The following STAC3 variants were observed in gnomAD, a reference collection of about 807,000 sequenced individuals.
STAC3 encodes the protein SH3 and cysteine rich domain 3.
A neutral mutation model predicts 48.5 loss-of-function variants in STAC3; 30 were observed. That is an observed-to-expected ratio of 0.62 (90% CI 0.46 to 0.84). The LOEUF is 0.84. Among genes scored for constraint, STAC3 ranks in the 40% least tolerant of loss-of-function variants. The probability of loss-of-function intolerance (pLI) is 0.00; values close to 1 mark genes in which losing one functional copy is unlikely to be tolerated. For missense variants in STAC3, 419 were observed against 462.6 expected, an observed-to-expected ratio of 0.91 and a Z score of 0.86; for synonymous variants, 144 against 158.6, an observed-to-expected ratio of 0.91 and a Z score of 0.69.
At chr12:57,244,475 G>A in intron 9 of STAC3, 62 bp downstream of exon 9, 1 of 1,612,530 alleles carries the variant, frequency 6.2e-7, no homozygotes, top group Non-Finnish European at 8.5e-7. Context: ...CTTTCCCTTG[G>A]GGGAACCCAG....
intron 6 of STAC3, among the ~76,000 whole-genome samples, chr12:57,246,526 C>T (rs1372789160): frequency 6.6e-6 from 1 of 151,948 alleles, no homozygotes; most frequent in African/African-American, 2.4e-5. Flanking sequence ...CAAGCGAGCA[C>T]CACCACACCC....
chr12:57,247,428 A>ATTTTT (rs367784960), intron 5 of STAC3, among the ~76,000 whole-genome samples: 18 of 58,534 alleles, frequency 3.1e-4, no homozygotes, highest in African/African-American at 9.0e-4. Flanking sequence ...TATTATTATT[A>ATTTTT]TTTTTTTTTT....
rs745337263 is a variant in STAC3 at position 57,243,716 on chromosome 12, C to T, written c.*96G>A. 4 of 1,177,332 alleles carry T rather than the reference C, an allele frequency of 3.4e-6. No individual in the cohort carries two copies. Among genetic ancestry groups the T allele is most frequent in the Non-Finnish European group, 5.0e-6 (4 of 803,038 alleles). 72.9% of individuals were successfully genotyped at this position (1,177,332 alleles called of 1,614,324 possible). A position where few individuals can be genotyped will look rare whatever the true frequency, so the allele number is the denominator to read the frequency against. On this transcript the variant is annotated 3_prime_UTR_variant, in exon 12 of 12. Coordinates refer to ENST00000332782, the MANE Select transcript of STAC3 (RefSeq NM_145064.3). ...AGGCGGGCCTTCCTACCCCTCCTCT[C>T]CCAGCAGTCCCGTTGCTTTCGCCCC...
chr12:57,247,422 A>ATT (rs1380789337), intron 5 of STAC3, among the ~76,000 whole-genome samples: 51 of 68,380 alleles, frequency 7.5e-4, no homozygotes, highest in African/African-American at 1.7e-3. Flanking sequence ...TATTATTATT[A>ATT]TTATTATTTT....
Position 57,248,199 on chromosome 12 carries a change from C to G in STAC3, c.433-1G>C, listed in dbSNP as rs111801909. 6.2e-7 allele frequency: 1 copy of G among 1,613,506 alleles called. No homozygotes were observed. The highest frequency in any genetic ancestry group is 8.5e-7 in the Non-Finnish European group (1 of 1,179,490). ...TATAGGCCCGATGGAAACCAGGTGG[C>G]TGTAGGATGGGATGAGAGGAAGCAT... On this transcript the variant is annotated splice_acceptor_variant, in intron 4 of 11. Coordinates refer to ENST00000332782, the MANE Select transcript of STAC3 (RefSeq NM_145064.3). LOFTEE classifies it high-confidence loss of function.
chr12:57,246,103 C>G (rs1390553591), intron 6 of STAC3, among the ~76,000 whole-genome samples: 1 of 104,010 alleles, frequency 9.6e-6, no homozygotes, highest in Non-Finnish European at 1.8e-5. Context: ...GAGCGAAACT[C>G]TATCTCAAAA....
intron 1 of STAC3, among the ~76,000 whole-genome samples, chr12:57,250,314 C>T (rs1471279450): frequency 7.2e-6 from 1 of 139,820 alleles, no homozygotes; most frequent in Non-Finnish European, 1.5e-5. Flanking sequence ...CGCTTGAACC[C>T]GGGAGGCGGA....
rs1316350510 is a variant in STAC3, at chr12:57,248,757, G to A, written c.381C>T (p.Ile127=). The A allele has an allele frequency of 2.5e-6, 4 of 1,614,124 alleles. No individual in the cohort carries two copies. The highest frequency in any genetic ancestry group is 3.4e-6 in the Non-Finnish European group (4 of 1,179,986). ...GLRCKNCKTN[I]HEHCQSYVEM... ...CCACATAGGACTGACAGTGTTCATGGATGTTGGTTTTGCAGTTCTTACAGC... is the reference window on the plus strand; with the variant it reads ...CCACATAGGACTGACAGTGTTCATGAATGTTGGTTTTGCAGTTCTTACAGC... The change falls in exon 4 of 12, where the codon ATC becomes ATT. Residue 127 remains isoleucine (I), a synonymous_variant. Coordinates refer to ENST00000332782, the MANE Select transcript of STAC3 (RefSeq NM_145064.3).
chr12:57,250,833 C>T (rs563414987), intron 1 of STAC3, among the ~76,000 whole-genome samples, 160 bp downstream of exon 1: 3 of 149,744 alleles, frequency 2.0e-5, no homozygotes, highest in Admixed American at 6.7e-5. Context: ...CCCCACCCCC[C>T]GCTTCAATCC....
intron 7 of STAC3, 59 bp downstream of exon 7, chr12:57,245,086 G>C (rs2037702524): frequency 6.2e-7 from 1 of 1,607,748 alleles, no homozygotes; most frequent in South Asian, 1.1e-5. Context: ...TCCACCCTCT[G>C]TTCCACAGCT....
intron 5 of STAC3, among the ~76,000 whole-genome samples, chr12:57,247,688 G>C (rs1207854817): frequency 6.6e-6 from 1 of 152,092 alleles, no homozygotes; most frequent in East Asian, 1.9e-4. Flanking sequence ...CTCCCAAAGT[G>C]CTGGGATTAC....
chr12:57,248,754 A>T lies in STAC3; in HGVS notation c.384T>A (p.His128Gln). 1 of 1,614,088 alleles carries T rather than the reference A, an allele frequency of 6.2e-7. No homozygotes were observed. The highest frequency in any genetic ancestry group is 8.5e-7 in the Non-Finnish European group (1 of 1,179,964). ...LRCKNCKTNI[H>Q]EHCQSYVEMQ... ...TTTCCACATAGGACTGACAGTGTTC[A>T]TGGATGTTGGTTTTGCAGTTCTTAC... Residue 128 changes from histidine (H) to glutamine (Q), a missense_variant, in exon 4 of 12, where the codon CAT (histidine) becomes CAA (glutamine). Physicochemically the swap from His to Gln is conservative, Grantham distance 24. Coordinates refer to ENST00000332782, the MANE Select transcript of STAC3 (RefSeq NM_145064.3).
At chr12:57,247,020 G>A (rs1206579243) in intron 5 of STAC3, 119 bp from the exon 6 acceptor site, 2 of 880,088 alleles carry the variant, frequency 2.3e-6, no homozygotes, top group African/African-American at 3.3e-5. Flanking sequence ...GGTGGCGGTG[G>A]GGGCGCCGCG....
At chr12:57,245,047 C>G (rs762504883) in intron 7 of STAC3, 82 bp from the exon 8 acceptor site, 10 of 1,602,132 alleles carry the variant, frequency 6.2e-6, no homozygotes, top group Non-Finnish European at 8.6e-6. Context: ...AGGGCCTCGT[C>G]TATCCAAAGC....
chr12:57,244,123 G>C lies in STAC3; in HGVS notation c.961C>G (p.Arg321Gly), dbSNP rs1175133758. Reference protein sequence around the residue: ...HRVTRSFVGNREIGQITLKKD... With the variant: ...HRVTRSFVGNGEIGQITLKKD... ...TTGAGAGTGATCTGCCCTATCTCGC[G>C]GTTCCCCACGAAGGATCTCGTCACG... Residue 321 changes from arginine (R) to glycine (G), a missense_variant, in exon 11 of 12, where the codon CGC (arginine) becomes GGC (glycine). Coordinates refer to ENST00000332782, the MANE Select transcript of STAC3 (RefSeq NM_145064.3). 6 of 1,614,086 alleles carry C rather than the reference G, an allele frequency of 3.7e-6. No individual in the cohort carries two copies. Among genetic ancestry groups the C allele is most frequent in the South Asian group, 1.1e-5 (1 of 91,076 alleles).
At chr12:57,244,276 C>T (rs369943381) in intron 10 of STAC3, 39 bp downstream of exon 10, 1 of 1,614,180 alleles carries the variant, frequency 6.2e-7, no homozygotes, top group Non-Finnish European at 8.5e-7. Context: ...GTTCTGGACT[C>T]AACCCACACT....
In STAC3 at chr12:57,249,177, T is replaced by C; in HGVS notation, c.198A>G (p.Glu66=). Residue 66 remains glutamate, a synonymous_variant, in exon 3 of 12, where the codon GAA becomes GAG. Coordinates refer to ENST00000332782, the MANE Select transcript of STAC3 (RefSeq NM_145064.3). ...CCTCCTCCTCTTCTTCCTCTTCCTC[T>C]TCCTCATAGATGTAGTAGATGGGCC... is the stretch of plus-strand genomic sequence containing the variant. The part of the protein sequence containing the change: ...GGGPIYYIYE[E]EEEEEEEEEE... The C allele has an allele frequency of 6.2e-7, 1 of 1,614,058 alleles. No homozygotes were observed. Among genetic ancestry groups the C allele is most frequent in the Non-Finnish European group, 8.5e-7 (1 of 1,180,016 alleles).
At chr12:57,247,419 A>ATTTTTTTTTTTT (rs1360362639) in intron 5 of STAC3, among the ~76,000 whole-genome samples, 11 of 88,672 alleles carry the variant, frequency 1.2e-4, no homozygotes, top group African/African-American at 5.4e-4. Context: ...TATTATTATT[A>ATTTTTTTTTTTT]TTATTATTAT....
rs753124834 is a variant in STAC3, at chr12:57,246,914, G to C, written c.506-13C>G. 2 of 1,611,608 alleles carry C rather than the reference G, an allele frequency of 1.2e-6. No individual in the cohort carries two copies. The highest frequency in any genetic ancestry group is 2.7e-5 in the African/African-American group (2 of 74,834). ...CGATTGGCAGCAGCTAATCGAATGG[G>C]AGGAGAAAGAAGACATTATTGGGAA... On this transcript the variant is annotated splice_polypyrimidine_tract_variant and intron_variant, in intron 5 of 11. Transcript: ENST00000332782.
Sources: allele counts gnomAD v4.1 joint callset (sites outside exome capture counted in the v4.1 genomes callset), GRCh38; gene constraint gnomAD v4.1.1; transcripts MANE v1.5; gene names NCBI Gene and HGNC (gene_info 2026-07-23, HGNC 2026-07-21).